The following KIAA1217 variants were observed in gnomAD, a reference collection of about 807,000 sequenced individuals.
KIAA1217 encodes KIAA1217, also known as sickle tail protein homolog.
In KIAA1217, 88 loss-of-function variants were observed where a neutral mutation model predicts 163.9. The observed-to-expected ratio is 0.54, with a 90% confidence interval of 0.45 to 0.64. The LOEUF (loss-of-function observed/expected upper bound fraction) is 0.64. Among genes scored for constraint, KIAA1217 ranks in the 30% least tolerant of loss-of-function variants. The probability of loss-of-function intolerance (pLI) is 0.00; values close to 1 mark genes in which losing one functional copy is unlikely to be tolerated. For missense variants in KIAA1217, 2,372 were observed against 2,475.0 expected, an observed-to-expected ratio of 0.96 and a Z score of 0.88; for synonymous variants, 903 against 923.1, an observed-to-expected ratio of 0.98 and a Z score of 0.39.
intron 2 of KIAA1217, among the ~76,000 whole-genome samples, chr10:24,062,746 G>A (rs1053416830): frequency 2.6e-5 from 4 of 151,700 alleles, no homozygotes; most frequent in Non-Finnish European, 5.9e-5. Flanking sequence ...CTAGTTTACA[G>A]TCCCACCAAC....
At chr10:24,164,651 A>C (rs1234667216) in intron 2 of KIAA1217, among the ~76,000 whole-genome samples, 1 of 152,168 alleles carries the variant, frequency 6.6e-6, no homozygotes, top group Non-Finnish European at 1.5e-5. Context: ...AGAATATTAA[A>C]TGGACCTATT....
chr10:24,099,992 A>G (rs1564700986), intron 2 of KIAA1217, among the ~76,000 whole-genome samples: 1 of 152,138 alleles, frequency 6.6e-6, no homozygotes, highest in Non-Finnish European at 1.5e-5. Flanking sequence ...CCTGCCAATA[A>G]TATTCCACCT....
chr10:24,176,549 G>A (rs972810729), intron 2 of KIAA1217, among the ~76,000 whole-genome samples: 1 of 152,106 alleles, frequency 6.6e-6, no homozygotes, highest in Non-Finnish European at 1.5e-5. Flanking sequence ...GTGCTGATTG[G>A]TGCATCCATG....
chr10:24,116,673 T>C (rs2063067789), intron 2 of KIAA1217, among the ~76,000 whole-genome samples: 1 of 152,166 alleles, frequency 6.6e-6, no homozygotes. Context: ...TAAAAGTTTT[T>C]TTTGTCCTCA....
At chr10:24,314,838 G>C (rs2043150980) in intron 2 of KIAA1217, among the ~76,000 whole-genome samples, 1 of 152,120 alleles carries the variant, frequency 6.6e-6, no homozygotes, top group African/African-American at 2.4e-5. Flanking sequence ...CAGCTACTCA[G>C]GAGGCTGAGG....
intron 2 of KIAA1217, among the ~76,000 whole-genome samples, chr10:24,281,388 G>T (rs1467556971): frequency 6.6e-6 from 1 of 152,192 alleles, no homozygotes; most frequent in African/African-American, 2.4e-5. Flanking sequence ...TTAGGGTACA[G>T]TGTGTTTGGA....
intron 2 of KIAA1217, among the ~76,000 whole-genome samples, chr10:24,013,551 A>G (rs10764445): frequency 0.11 from 16,776 of 152,104 alleles, 1,055 homozygotes; most frequent in African/African-American, 0.17. Context: ...ATTAGTGTGA[A>G]TAACAGAATC....
intron 2 of KIAA1217, among the ~76,000 whole-genome samples, chr10:24,103,962 A>C (rs748322799): frequency 5.3e-5 from 8 of 152,174 alleles, no homozygotes; most frequent in Non-Finnish European, 1.2e-4. Flanking sequence ...AGCAAAGCCA[A>C]TATAATGGGT....
chr10:23,705,445 G>A (rs1239748488), intron 1 of KIAA1217, among the ~76,000 whole-genome samples: 1 of 151,994 alleles, frequency 6.6e-6, no homozygotes, highest in Non-Finnish European at 1.5e-5. Context: ...TGTGAGGAAG[G>A]GATTCAACTT....
In KIAA1217 at chr10:24,104,846, T is replaced by G. The variant is rs75153253; in HGVS notation, c.-171+97472T>G. Reference sequence around the variant, plus strand: ...AAAAAGTAAAGTGTGATTTAAAAATTTTATCTGTACTTATAAAAATGATGA... The same window carrying G: ...AAAAAGTAAAGTGTGATTTAAAAATGTTATCTGTACTTATAAAAATGATGA... On this transcript the variant is annotated intron_variant, in intron 2 of 18. Transcript: ENST00000376462. Among the ~76,000 whole-genome samples, 260 of 152,276 alleles carry G rather than the reference T, an allele frequency of 1.7e-3. 3 individuals carry two copies. The East Asian group carries it at 0.029, about 17-fold the overall frequency.
At chr10:24,066,089 T>C (rs1245124938) in intron 2 of KIAA1217, among the ~76,000 whole-genome samples, 1 of 152,220 alleles carries the variant, frequency 6.6e-6, no homozygotes, top group Non-Finnish European at 1.5e-5. Context: ...GTCTTGACTC[T>C]TTATCCAATT....
At chr10:24,020,788 A>T (rs1042401465) in intron 2 of KIAA1217, among the ~76,000 whole-genome samples, 8 of 152,044 alleles carry the variant, frequency 5.3e-5, no homozygotes, top group Non-Finnish European at 7.4e-5. Context: ...ATAAGTAGCT[A>T]CACAAAGCAG....
At chr10:23,750,399 C>T (rs1342136181) in intron 1 of KIAA1217, among the ~76,000 whole-genome samples, 1 of 152,138 alleles carries the variant, frequency 6.6e-6, no homozygotes. Flanking sequence ...AAGAATCTGC[C>T]ATTCTTTCTA....
intron 3 of KIAA1217, among the ~76,000 whole-genome samples, chr10:24,383,736 G>A (rs973706527): frequency 1.3e-5 from 2 of 152,198 alleles, no homozygotes; most frequent in African/African-American, 4.8e-5. Flanking sequence ...GGGAAGCTCT[G>A]GTTCCAGAAA....
intron 11 of KIAA1217, among the ~76,000 whole-genome samples, chr10:24,520,651 A>AAAAAAAAAAAATATATATATAT (rs1554926857): frequency 2.5e-5 from 1 of 39,678 alleles, no homozygotes; most frequent in African/African-American, 8.8e-5. Context: ...AAAAAAAAAA[A>AAAAAAAAAAAATATATATATAT]ATATATATAT....
At chr10:24,120,157 A>T (rs2063224429) in intron 2 of KIAA1217, among the ~76,000 whole-genome samples, 1 of 152,136 alleles carries the variant, frequency 6.6e-6, no homozygotes, top group African/African-American at 2.4e-5. Context: ...GCCATCTGTT[A>T]TTTTCACTTA....
chr10:24,071,079 T>G (rs1369628713), intron 2 of KIAA1217, among the ~76,000 whole-genome samples: 1 of 152,208 alleles, frequency 6.6e-6, no homozygotes, highest in Non-Finnish European at 1.5e-5. Flanking sequence ...GGGAACATTG[T>G]GGCATCATCA....
At chr10:23,867,421 G>C (rs542230316) in intron 1 of KIAA1217, among the ~76,000 whole-genome samples, 1 of 152,110 alleles carries the variant, frequency 6.6e-6, no homozygotes, top group African/African-American at 2.4e-5. Flanking sequence ...CTGAGGAATC[G>C]CCACACTGAC....
intron 2 of KIAA1217, among the ~76,000 whole-genome samples, chr10:24,086,155 T>A (rs574714599): frequency 6.6e-6 from 1 of 152,068 alleles, no homozygotes; most frequent in African/African-American, 2.4e-5. Flanking sequence ...CTGGTCTTGA[T>A]TGTTAATAGA....
Sources: allele counts gnomAD v4.1 joint callset (sites outside exome capture counted in the v4.1 genomes callset), GRCh38; gene constraint gnomAD v4.1.1; transcripts MANE v1.5; gene names NCBI Gene and HGNC (gene_info 2026-07-23, HGNC 2026-07-21).